KIF2A: variants seen among roughly 807,000 people sequenced by gnomAD.
KIF2A encodes the protein kinesin family member 2A.
Under a neutral mutation model 100.2 loss-of-function variants are expected in KIF2A, and 22 were observed. The observed-to-expected ratio is 0.22, with a 90% CI of 0.16 to 0.31. The LOEUF is 0.31. Among genes scored for constraint, KIF2A ranks in the 10% least tolerant of loss-of-function variants. The pLI, the probability that KIF2A is intolerant of heterozygous loss-of-function variation, is 1.00. For synonymous variants in KIF2A, 268 were observed against 285.9 expected, an observed-to-expected ratio of 0.94 and a Z score of 0.63; for missense variants, 495 against 898.7, an observed-to-expected ratio of 0.55 and a Z score of 5.74.
intron 1 of KIF2A, among the ~76,000 whole-genome samples, chr5:62,321,724 C>A (rs543778313): frequency 6.6e-6 from 1 of 152,040 alleles, no homozygotes; most frequent in East Asian, 1.9e-4. Context: ...CACATCCGGT[C>A]GATTTTTATA....
chr5:62,359,028 A>G (rs1404991353), intron 9 of KIF2A, among the ~76,000 whole-genome samples: 1 of 152,180 alleles, frequency 6.6e-6, no homozygotes, highest in African/African-American at 2.4e-5. Flanking sequence ...TTTAGTATGT[A>G]TTGTCACTTA....
chr5:62,361,646 T>TA (rs1748414992), intron 11 of KIF2A, 117 bp downstream of exon 11: 2 of 609,104 alleles, frequency 3.3e-6, no homozygotes, highest in African/African-American at 3.7e-5. Flanking sequence ...AACTGTCTAT[T>TA]ATGTCAATTA....
At chr5:62,333,192 A>G (rs1253183263) in intron 1 of KIF2A, among the ~76,000 whole-genome samples, 4 of 152,256 alleles carry the variant, frequency 2.6e-5, no homozygotes, top group African/African-American at 9.6e-5. Flanking sequence ...CCTTACATAA[A>G]TATTTGCCAG....
intron 20 of KIF2A, among the ~76,000 whole-genome samples, chr5:62,384,405 G>A (rs543441162): frequency 1.3e-5 from 2 of 152,364 alleles, no homozygotes; most frequent in Admixed American, 1.3e-4. Context: ...CTACAGAGTA[G>A]GGTTTCGTAA....
intron 6 of KIF2A, among the ~76,000 whole-genome samples, chr5:62,353,726 A>G (rs1043062391): frequency 2.0e-5 from 3 of 152,178 alleles, no homozygotes; most frequent in South Asian, 2.1e-4. Flanking sequence ...GTTAAAGTGC[A>G]TGATTAAACT....
In KIF2A at chr5:62,389,719, T is replaced by G. The variant is rs921287281; in HGVS notation, c.*4150T>G. Among the ~76,000 whole-genome samples, 1 of 152,146 alleles carries G rather than the reference T, an allele frequency of 6.6e-6. No individual in the cohort carries two copies. The highest frequency in any genetic ancestry group is 2.4e-5 in the African/African-American group (1 of 41,430). On this transcript the variant is annotated 3_prime_UTR_variant, in exon 21 of 21. Coordinates refer to ENST00000407818, the MANE Select transcript of KIF2A (RefSeq NM_001098511.3). Reference sequence around the variant, plus strand: ...CAGAAGTCAGATGAAAAACCAATCTTACATGCCCCTTCTTCCTCTCTTGAG... The same window carrying G: ...CAGAAGTCAGATGAAAAACCAATCTGACATGCCCCTTCTTCCTCTCTTGAG...
intron 9 of KIF2A, among the ~76,000 whole-genome samples, chr5:62,358,911 T>A (rs1023868281): frequency 3.9e-5 from 6 of 152,256 alleles, no homozygotes; most frequent in Admixed American, 2.6e-4. Flanking sequence ...GCTCAAGTGA[T>A]CTGCCCGCCT....
intron 1 of KIF2A, among the ~76,000 whole-genome samples, chr5:62,310,178 C>T (rs1290319765): frequency 6.6e-6 from 1 of 151,756 alleles, no homozygotes; most frequent in East Asian, 1.9e-4. Context: ...CTCAGCCTCC[C>T]AAGTAGCTGG....
At chr5:62,371,225 G>A (rs1490268967) in intron 16 of KIF2A, among the ~76,000 whole-genome samples, 1 of 152,162 alleles carries the variant, frequency 6.6e-6, no homozygotes, top group African/African-American at 2.4e-5. Flanking sequence ...CTGCAGTATA[G>A]CCTGGGTGAT....
At chr5:62,322,715 TGTACCTACACAC>T (rs1746159574) in intron 1 of KIF2A, among the ~76,000 whole-genome samples, 1 of 152,126 alleles carries the variant, frequency 6.6e-6, no homozygotes, top group Non-Finnish European at 1.5e-5. Context: ...CTTTTATCTG[TGTACCTACACAC>T]ATATATGCAT....
In KIF2A at chr5:62,377,730, C is replaced by G. The variant is rs781738321; in HGVS notation, c.1981C>G (p.Gln661Glu). The part of the protein sequence containing the change: ...AVSQMVEMEE[Q>E]VVEDHRAVFQ... ...TTCACAAATGGTAGAAATGGAAGAA[C>G]AAGTTGTAGAAGATCACAGGGCAGT... is the stretch of plus-strand genomic sequence containing the variant. The change falls in exon 19 of 21, where the codon CAA becomes GAA. Residue 661 changes from glutamine to glutamate, a missense_variant. Gln to Glu is a conservative substitution (Grantham distance 29). Coordinates refer to ENST00000407818, the MANE Select transcript of KIF2A (RefSeq NM_001098511.3). The G allele has an allele frequency of 6.4e-7, 1 of 1,554,844 alleles. No homozygotes were observed. The highest frequency in any genetic ancestry group is 8.7e-7 in the Non-Finnish European group (1 of 1,147,292).
intron 1 of KIF2A, among the ~76,000 whole-genome samples, chr5:62,333,946 G>A (rs1283516809): frequency 2.6e-5 from 4 of 152,142 alleles, no homozygotes; most frequent in African/African-American, 4.8e-5. Context: ...TTGAGGAGAA[G>A]TTCTCCTAGG....
At chr5:62,314,758 GTTT>G (rs34987605) in intron 1 of KIF2A, among the ~76,000 whole-genome samples, 3 of 100,888 alleles carry the variant, frequency 3.0e-5, no homozygotes, top group African/African-American at 3.7e-5. Context: ...AGAATGAACT[GTTT>G]TTTTTTTTTT....
At chr5:62,358,585 C>A (rs142570927) in intron 9 of KIF2A, among the ~76,000 whole-genome samples, 98 of 152,118 alleles carry the variant, frequency 6.4e-4, no homozygotes, top group East Asian at 5.4e-3. Flanking sequence ...TAAGAAATTT[C>A]GGGAAAATGT....
intron 16 of KIF2A, among the ~76,000 whole-genome samples, chr5:62,366,700 G>C (rs1741085418): frequency 6.6e-6 from 1 of 151,974 alleles, no homozygotes; most frequent in Non-Finnish European, 1.5e-5. Context: ...GCATGGTGGT[G>C]GGTGCCTGTA....
intron 6 of KIF2A, among the ~76,000 whole-genome samples, chr5:62,354,721 G>A (rs2111931071): frequency 6.6e-6 from 1 of 152,192 alleles, no homozygotes; most frequent in East Asian, 1.9e-4. Context: ...ATACTTTGCT[G>A]AAACACTGGA....
chr5:62,332,721 A>G (rs1746716506), intron 1 of KIF2A, among the ~76,000 whole-genome samples: 1 of 152,190 alleles, frequency 6.6e-6, no homozygotes, highest in East Asian at 1.9e-4. Flanking sequence ...TCCCTAACCA[A>G]ATTCAGAAAT....
intron 1 of KIF2A, among the ~76,000 whole-genome samples, chr5:62,340,718 A>G (rs1165126111): frequency 6.6e-6 from 1 of 152,036 alleles, no homozygotes; most frequent in African/African-American, 2.4e-5. Flanking sequence ...TTCTCTTATT[A>G]CTTAACACCT....
At chr5:62,366,385 T>A in intron 15 of KIF2A, 29 bp from the exon 16 acceptor site, 1 of 1,452,878 alleles carries the variant, frequency 6.9e-7, no homozygotes, top group Non-Finnish European at 9.5e-7. Context: ...TAACATTTTG[T>A]TTACCTTTGC....
Sources: gnomAD v4.1 joint callset for allele counts (sites outside exome capture counted in the v4.1 genomes callset) on GRCh38, gnomAD v4.1.1 for gene constraint, MANE v1.5 for transcripts, NCBI Gene and HGNC (gene_info 2026-07-23, HGNC 2026-07-21) for gene names.